Variants in ALDH1A2 observed in about 807,000 individuals in gnomAD.
The protein encoded by ALDH1A2 is aldehyde dehydrogenase 1 family member A2, also known as retinal dehydrogenase 2.
A neutral mutation model predicts 60.3 loss-of-function variants in ALDH1A2; 27 were observed. That is an observed-to-expected ratio of 0.45 (90% CI 0.33 to 0.62). The LOEUF is 0.62. Among genes scored for constraint, ALDH1A2 ranks in the 20% least tolerant of loss-of-function variants. The probability of loss-of-function intolerance (pLI) is 0.02; values close to 1 mark genes in which losing one functional copy is unlikely to be tolerated. For synonymous variants in ALDH1A2, 289 were observed against 232.4 expected (o/e 1.24, Z -2.21); for missense variants, 581 against 643.8 (o/e 0.90, Z 1.06).
chr15:58,031,889 A>T (rs1239275100), intron 1 of ALDH1A2, among the ~76,000 whole-genome samples: 1 of 152,080 alleles, frequency 6.6e-6, no homozygotes. Flanking sequence ...AAATAGGAAC[A>T]CTTTTACACT....
At chr15:58,046,507 C>A (rs1319818504) in intron 1 of ALDH1A2, among the ~76,000 whole-genome samples, 1 of 151,980 alleles carries the variant, frequency 6.6e-6, no homozygotes, top group Non-Finnish European at 1.5e-5. Context: ...CCTCATAGAA[C>A]AACCTAGAAT....
At chr15:57,961,326 GCT>G (rs1893712482) in intron 10 of ALDH1A2, 32 bp from the exon 11 acceptor site, 1 of 1,610,132 alleles carries the variant, frequency 6.2e-7, no homozygotes, top group Non-Finnish European at 8.5e-7. Flanking sequence ...CAACATGGTT[GCT>G]CTGTCATTCC....
intron 1 of ALDH1A2, among the ~76,000 whole-genome samples, chr15:58,027,430 T>C (rs552678880): frequency 2.6e-5 from 4 of 152,272 alleles, no homozygotes; most frequent in African/African-American, 9.6e-5. Context: ...ACCACAAAGA[T>C]GGGGAGAAGA....
Position 58,014,209 on chromosome 15 carries a change from C to A in ALDH1A2, c.190G>T (p.Glu64Ter), listed in dbSNP as rs1182096588. The change falls in exon 2 of 13, where the codon GAA (glutamate) becomes TAA (stop). Residue 64 changes from glutamate to a stop codon, truncating the protein, a stop_gained. Coordinates refer to ENST00000249750, the MANE Select transcript of ALDH1A2 (RefSeq NM_003888.4). LOFTEE classifies it high-confidence loss of function. ...GCTTCTTGAACTTCACACACCTGTT[C>A]TCCTGTGGCTGGATTATAGACAGGG... ...VFPVYNPATG[E>*]QVCEVQEADK... 6.2e-7 allele frequency: 1 copy of A among 1,614,000 alleles called. No individual in the cohort carries two copies. The highest frequency in any genetic ancestry group is 8.5e-7 in the Non-Finnish European group (1 of 1,179,992).
chr15:57,972,099 T>G (rs1894088430), intron 7 of ALDH1A2, among the ~76,000 whole-genome samples: 2 of 152,178 alleles, frequency 1.3e-5, no homozygotes, highest in African/African-American at 2.4e-5. Context: ...TTAATCTTCA[T>G]GACAAAACTG....
Position 57,964,063 on chromosome 15 carries a change from T to C in ALDH1A2, c.908A>G (p.Tyr303Cys), listed in dbSNP as rs139464985. The change falls in exon 9 of 13, where the codon TAT (tyrosine) becomes TGT (cysteine). Residue 303 changes from tyrosine (Y) to cysteine (C), a missense_variant. Tyr to Cys is a radical substitution (Grantham distance 194, BLOSUM62 -2). Transcript: ENST00000249750. ...NIIFADADLD[Y>C]AVEQAHQGVF... ...ACCCTGGTGGGCCTGCTCCACAGCATAGTCCACTACAAGAGGAAACAGCCA... is the reference window on the plus strand; with the variant it reads ...ACCCTGGTGGGCCTGCTCCACAGCACAGTCCACTACAAGAGGAAACAGCCA... 5 of 1,613,914 alleles carry C rather than the reference T, an allele frequency of 3.1e-6. No homozygotes were observed. Among genetic ancestry groups the C allele is most frequent in the East Asian group, 2.2e-5 (1 of 44,890 alleles).
Position 57,953,722 on chromosome 15 carries a change from G to A in ALDH1A2, c.*1475C>T, listed in dbSNP as rs1893423276. The A allele has an allele frequency of 6.6e-6, 1 of 152,264 alleles. No individual in the cohort carries two copies. Among genetic ancestry groups the A allele is most frequent in the African/African-American group, 2.4e-5 (1 of 41,398 alleles). 9.4% of individuals were successfully genotyped at this position (152,264 alleles called of 1,614,324 possible). A position where few individuals can be genotyped will look rare whatever the true frequency, so the allele number is the denominator to read the frequency against. ...AGATAAGAGTTATAAATAGAAAACT[G>A]GTACGGTTAAGAAGCAGAAGATCGT... On this transcript the variant is annotated 3_prime_UTR_variant, in exon 13 of 13. Transcript: ENST00000249750.
In ALDH1A2 at chr15:57,978,774, C is replaced by T. The variant is rs151061125; in HGVS notation, c.799-12947G>A. 2.0e-3 allele frequency among the ~76,000 whole-genome samples: 312 copies of T among 152,266 alleles called. 1 individual carries two copies. The highest frequency in any genetic ancestry group is 7.2e-3 in the African/African-American group (299 of 41,550). On this transcript the variant is annotated intron_variant, in intron 7 of 12. Transcript: ENST00000249750. ...CTAAGGGGCCGGGCACGGTGGCTCA[C>T]GCCTGTAATCTCAGCACTTAGGGAG...
intron 1 of ALDH1A2, among the ~76,000 whole-genome samples, chr15:58,021,424 G>A (rs1291411449): frequency 1.2e-4 from 19 of 152,160 alleles, no homozygotes; most frequent in Non-Finnish European, 8.8e-5. Flanking sequence ...TGGGAGCCAG[G>A]AGTGATTTCC....
intron 1 of ALDH1A2, among the ~76,000 whole-genome samples, chr15:58,030,305 T>C (rs532075987): frequency 6.6e-6 from 1 of 152,156 alleles, no homozygotes; most frequent in Non-Finnish European, 1.5e-5. Flanking sequence ...ATTATCTCAA[T>C]AGATGCAGAA....
intron 1 of ALDH1A2, among the ~76,000 whole-genome samples, chr15:58,040,316 A>G (rs1348654068): frequency 6.6e-6 from 1 of 151,866 alleles, no homozygotes; most frequent in Non-Finnish European, 1.5e-5. Flanking sequence ...GTGCTAATAG[A>G]ACACGTTTAC....
At chr15:58,034,331 T>C (rs1375821930) in intron 1 of ALDH1A2, among the ~76,000 whole-genome samples, 2 of 151,786 alleles carry the variant, frequency 1.3e-5, no homozygotes, top group Non-Finnish European at 3.0e-5. Flanking sequence ...CCTGCAAATT[T>C]ATAGTAATCC....
At chr15:58,030,081 A>G (rs1397067375) in intron 1 of ALDH1A2, among the ~76,000 whole-genome samples, 2 of 152,186 alleles carry the variant, frequency 1.3e-5, no homozygotes, top group African/African-American at 4.8e-5. Context: ...GCAGAGACAC[A>G]ACAAAAAAAG....
intron 4 of ALDH1A2, among the ~76,000 whole-genome samples, chr15:58,003,959 A>G (rs116396356): frequency 0.014 from 2,077 of 151,660 alleles, 54 homozygotes; most frequent in African/African-American, 0.047. Context: ...TAGTGTTGTA[A>G]AGGAAACAAC....
chr15:57,974,686 T>C (rs1187606169), intron 7 of ALDH1A2, among the ~76,000 whole-genome samples: 1 of 152,046 alleles, frequency 6.6e-6, no homozygotes, highest in Non-Finnish European at 1.5e-5. Context: ...AAAAAGCATA[T>C]GAGAAAGTCT....
Position 57,961,490 on chromosome 15 carries a change from A to G in ALDH1A2, c.1252-196T>C, listed in dbSNP as rs114680978. 4.4e-3 allele frequency among the ~76,000 whole-genome samples: 674 copies of G among 152,172 alleles called. 7 individuals are homozygous for G. Among genetic ancestry groups the G allele is most frequent in the African/African-American group, 0.016 (652 of 41,514 alleles). Reference sequence around the variant, plus strand: ...TCTGACATTAGTGTTTAACCTCCCCAACTTCCCCAACCTCTCCAGCATCAC... The same window carrying G: ...TCTGACATTAGTGTTTAACCTCCCCGACTTCCCCAACCTCTCCAGCATCAC... On this transcript the variant is annotated intron_variant, in intron 10 of 12. Coordinates refer to ENST00000249750, the MANE Select transcript of ALDH1A2 (RefSeq NM_003888.4).
intron 2 of ALDH1A2, 83 bp downstream of exon 2, chr15:58,014,094 G>A: frequency 6.2e-7 from 1 of 1,613,874 alleles, no homozygotes; most frequent in Non-Finnish European, 8.5e-7. Flanking sequence ...AGCATGTAGT[G>A]GTGTACTGAG....
intron 4 of ALDH1A2, among the ~76,000 whole-genome samples, chr15:58,008,702 G>A (rs1284899839): frequency 6.6e-6 from 1 of 152,038 alleles, no homozygotes; most frequent in Non-Finnish European, 1.5e-5. Context: ...GAAATGACAG[G>A]TGGAGTGGGG....
At position 57,975,903 on chromosome 15, in the gene ALDH1A2, T is replaced by C. The variant is rs143985698; in HGVS notation, c.799-10076A>G. ...GGTGAGGGACATATTCATTGTGAAC[T>C]CTACTGATGGTTTCACAGGTAGATG... On this transcript the variant is annotated intron_variant, in intron 7 of 12. Transcript: ENST00000249750. Among the ~76,000 whole-genome samples, 704 of 152,240 alleles carry C rather than the reference T, an allele frequency of 4.6e-3. 2 individuals are homozygous for C. Among genetic ancestry groups the C allele is most frequent in the Non-Finnish European group, 7.1e-3 (486 of 68,020 alleles).
Sources: gnomAD v4.1 joint callset for allele counts (sites outside exome capture counted in the v4.1 genomes callset) on GRCh38, gnomAD v4.1.1 for gene constraint, MANE v1.5 for transcripts, NCBI Gene and HGNC (gene_info 2026-07-23, HGNC 2026-07-21) for gene names.